Variants in ATP9B observed in about 807,000 individuals in gnomAD.
The protein encoded by ATP9B is ATPase phospholipid transporting 9B.
In ATP9B, 110 loss-of-function variants were observed where a neutral mutation model predicts 146.1. The ratio of observed to expected loss-of-function variants is 0.75; its 90% CI spans 0.65 to 0.88. The LOEUF is 0.88. Among genes scored for constraint, ATP9B ranks in the 40% least tolerant of loss-of-function variants. ATP9B has a pLI of 0.00. For synonymous variants in ATP9B, 604 were observed against 569.7 expected, an observed-to-expected ratio of 1.06 and a Z score of -0.86; for missense variants, 1,499 against 1,496.4, an observed-to-expected ratio of 1.00 and a Z score of -0.03.
intron 4 of ATP9B, among the ~76,000 whole-genome samples, chr18:79,121,598 C>G (rs1282998758): frequency 1.3e-5 from 2 of 152,226 alleles, no homozygotes; most frequent in Non-Finnish European, 2.9e-5. Context: ...GTGGCCTCAA[C>G]TTCCCTTTCC....
At chr18:79,133,540 C>T (rs1012842724) in intron 5 of ATP9B, among the ~76,000 whole-genome samples, 4 of 152,100 alleles carry the variant, frequency 2.6e-5, no homozygotes, top group Admixed American at 6.5e-5. Flanking sequence ...CACACACTCA[C>T]TCTCAAGTGG....
intron 9 of ATP9B, among the ~76,000 whole-genome samples, chr18:79,197,647 G>A (rs1424831756): frequency 6.6e-6 from 1 of 152,080 alleles, no homozygotes; most frequent in East Asian, 1.9e-4. Flanking sequence ...AAAAGAAAGA[G>A]GTCAGTAGAG....
intron 1 of ATP9B, among the ~76,000 whole-genome samples, chr18:79,073,638 G>A (rs986094455): frequency 6.6e-6 from 1 of 152,006 alleles, no homozygotes; most frequent in Non-Finnish European, 1.5e-5. Context: ...AGACGAGGGA[G>A]GGGGGAGACC....
intron 2 of ATP9B, among the ~76,000 whole-genome samples, chr18:79,101,386 T>A (rs1329962674): frequency 6.6e-6 from 1 of 152,248 alleles, no homozygotes; most frequent in Non-Finnish European, 1.5e-5. Context: ...TTTTTTGAGG[T>A]TGGCCTATTT....
chr18:79,342,291 A>G lies in ATP9B; in HGVS notation c.2307A>G (p.Lys769=). The change falls in exon 20 of 30, where the codon AAA becomes AAG. Residue 769 remains lysine (K), a synonymous_variant. Coordinates refer to ENST00000426216, the MANE Select transcript of ATP9B (RefSeq NM_198531.5). ...AGATATGGATGCTAACAGGCGATAA[A>G]CTCGAGACAGCTACCTGCATTGCCA... ...GIKIWMLTGD[K]LETATCIAKS... 1 of 1,613,314 alleles carries G rather than the reference A, an allele frequency of 6.2e-7. No individual in the cohort carries two copies. The highest frequency in any genetic ancestry group is 8.5e-7 in the Non-Finnish European group (1 of 1,179,570).
intron 25 of ATP9B, among the ~76,000 whole-genome samples, chr18:79,355,513 C>T (rs4799048): frequency 0.23 from 34,822 of 151,952 alleles, 4,701 homozygotes; most frequent in East Asian, 0.52. Context: ...AGAGGGAGGA[C>T]GCAGTGAACT....
chr18:79,364,314 AAC>A (rs2097013517), intron 26 of ATP9B: 2 of 152,222 alleles, frequency 1.3e-5, no homozygotes, highest in African/African-American at 4.8e-5. Context: ...AGAGTTGGAA[AAC>A]ACACTACCTG....
intron 1 of ATP9B, among the ~76,000 whole-genome samples, chr18:79,074,311 C>G (rs768467952): frequency 6.6e-6 from 1 of 152,164 alleles, no homozygotes. Flanking sequence ...TGTATCCCAT[C>G]CATATGGACC....
intron 2 of ATP9B, among the ~76,000 whole-genome samples, chr18:79,102,486 TCTC>T (rs1394510149): frequency 2.0e-5 from 3 of 152,158 alleles, no homozygotes; most frequent in African/African-American, 7.2e-5. Context: ...TCTGTTCTCT[TCTC>T]CATCTCATCA....
chr18:79,147,217 T>C (rs776499652), intron 6 of ATP9B, among the ~76,000 whole-genome samples: 2 of 150,962 alleles, frequency 1.3e-5, no homozygotes, highest in Non-Finnish European at 2.9e-5. Context: ...TCAACAAGTG[T>C]CAGAGCTGAA....
At position 79,157,396 on chromosome 18, in the gene ATP9B, CAAAAAAAAAA is replaced by C. The variant is rs147316668; in HGVS notation, c.778+2860_778+2869del. On this transcript the variant is annotated intron_variant, in intron 7 of 29. Coordinates refer to ENST00000426216, the MANE Select transcript of ATP9B (RefSeq NM_198531.5). Reference sequence around the variant, plus strand: ...GGGTGACGAGAGTGAAACTCCATCTCAAAAAAAAAAAAAAAAAAAAAAAAAAAACATGTAT... The same window carrying C: ...GGGTGACGAGAGTGAAACTCCATCTCAAAAAAAAAAAAAAAAAACATGTAT... Among the ~76,000 whole-genome samples the C allele has an allele frequency of 6.2e-4, 30 of 48,592 alleles. 1 individual carries two copies. Among genetic ancestry groups the C allele is most frequent in the African/African-American group, 2.7e-3 (27 of 9,954 alleles). 31.9% of individuals were successfully genotyped at this position (48,592 alleles called of 152,430 possible).
intron 11 of ATP9B, among the ~76,000 whole-genome samples, chr18:79,244,435 T>G (rs1362242755): frequency 6.6e-6 from 1 of 150,520 alleles, no homozygotes; most frequent in Non-Finnish European, 1.5e-5. Flanking sequence ...CATCAACTAA[T>G]TTTTTTTTTA....
chr18:79,271,967 A>G (rs991059243), intron 12 of ATP9B, among the ~76,000 whole-genome samples: 2 of 152,018 alleles, frequency 1.3e-5, no homozygotes, highest in Non-Finnish European at 2.9e-5. Context: ...TGTGGTTTTG[A>G]TTTGCATTTC....
intron 15 of ATP9B, among the ~76,000 whole-genome samples, chr18:79,315,328 T>C (rs573466390): frequency 1.2e-4 from 18 of 152,214 alleles, no homozygotes; most frequent in Non-Finnish European, 2.1e-4. Flanking sequence ...CAAATCATTG[T>C]CAGTGACATA....
At position 79,239,212 on chromosome 18, in the gene ATP9B, C is replaced by T. The variant is rs2095868255; in HGVS notation, c.1108-14169C>T. On this transcript the variant is annotated intron_variant, in intron 11 of 29. Coordinates refer to ENST00000426216, the MANE Select transcript of ATP9B (RefSeq NM_198531.5). This position sits in a 1 kb window ranked among gnomAD's most constrained non-coding sequence, Gnocchi z 5.1. ...AAAGCATGCAGGGAGGTGTCTGGGG[C>T]GAGACAGGGCCTGGCCCTGGTGGAC... Among the ~76,000 whole-genome samples the T allele has an allele frequency of 6.6e-6, 1 of 152,108 alleles. No individual in the cohort carries two copies. The highest frequency in any genetic ancestry group is 1.5e-5 in the Non-Finnish European group (1 of 68,028).
chr18:79,324,731 A>G (rs2096734741), intron 15 of ATP9B, among the ~76,000 whole-genome samples: 2 of 152,258 alleles, frequency 1.3e-5, no homozygotes, highest in African/African-American at 4.8e-5. Context: ...GAGTTGTCTC[A>G]CTTCAGAATG....
intron 7 of ATP9B, among the ~76,000 whole-genome samples, chr18:79,171,878 G>GTT (rs144146479): frequency 0.092 from 13,458 of 146,322 alleles, 1,135 homozygotes; most frequent in African/African-American, 0.22. Flanking sequence ...TCGGAGACTC[G>GTT]TTTTTTTTTG....
At chr18:79,214,842 A>T (rs2095612627) in intron 11 of ATP9B, among the ~76,000 whole-genome samples, 1 of 152,184 alleles carries the variant, frequency 6.6e-6, no homozygotes, top group Non-Finnish European at 1.5e-5. Flanking sequence ...CGCAGTGGAA[A>T]TCAAATAATT....
intron 2 of ATP9B, among the ~76,000 whole-genome samples, chr18:79,098,017 C>T (rs1568169254): frequency 1.3e-5 from 2 of 152,234 alleles, no homozygotes; most frequent in Non-Finnish European, 2.9e-5. Context: ...ACCAAAACAG[C>T]ATGGTACTTG....
Sources: allele counts gnomAD v4.1 joint callset (sites outside exome capture counted in the v4.1 genomes callset), GRCh38; gene constraint gnomAD v4.1.1; non-coding constraint Gnocchi (gnomAD v3.1); transcripts MANE v1.5; gene names NCBI Gene and HGNC (gene_info 2026-07-23, HGNC 2026-07-21).